Variants in ANKRD66 observed in about 807,000 individuals in gnomAD.
The protein encoded by ANKRD66 is ankyrin repeat domain-containing protein 66.
A neutral mutation model predicts 10.9 loss-of-function variants in ANKRD66; 10 were observed. The ratio of observed to expected loss-of-function variants is 0.91; its 90% CI spans 0.56 to 1.55. The LOEUF (loss-of-function observed/expected upper bound fraction) is 1.55, where lower values mean the gene tolerates loss of function less well. ANKRD66 is among the 40% of genes most tolerant of loss of function. The pLI, the probability that ANKRD66 is intolerant of heterozygous loss-of-function variation, is 0.00. For synonymous variants in ANKRD66, 85 were observed against 88.4 expected (o/e 0.96, Z 0.22); for missense variants, 252 against 242.9 (o/e 1.04, Z -0.25).
intron 1 of ANKRD66, among the ~76,000 whole-genome samples, chr6:46,748,268 A>G (rs1364896540): frequency 6.6e-6 from 1 of 152,156 alleles, no homozygotes; most frequent in Non-Finnish European, 1.5e-5. Context: ...GATTTTTTAG[A>G]ATCGGCTTTT....
chr6:46,754,160 T>C (rs1049456090), intron 4 of ANKRD66, among the ~76,000 whole-genome samples: 8 of 152,160 alleles, frequency 5.3e-5, no homozygotes, highest in Admixed American at 3.3e-4. Context: ...TATATTAACA[T>C]GTTGTTTTGA....
At position 46,752,103 on chromosome 6, in the gene ANKRD66, C is replaced by T; in HGVS notation, c.155C>T (p.Ala52Val). 4.0e-6 allele frequency: 6 copies of T among 1,481,678 alleles called. No homozygotes were observed. Among genetic ancestry groups the T allele is most frequent in the Non-Finnish European group, 5.4e-6 (6 of 1,118,430 alleles). 91.8% of individuals were successfully genotyped at this position (1,481,678 alleles called of 1,614,324 possible). Residue 52 changes from alanine (A) to valine (V), a missense_variant, in exon 3 of 5, where the codon GCA (alanine) becomes GTA (valine). Ala to Val is a moderately conservative substitution (Grantham distance 64). Transcript: ENST00000565422. ...GACCGGACCCCACTTCACTGGGCTG[C>T]AATCAAAGGTGAGTGGGCAATGCTT... Reference protein sequence around the residue: ...WNDRTPLHWAAIKGQMEVIRL... With the variant: ...WNDRTPLHWAVIKGQMEVIRL...
chr6:46,753,483 G>A (rs1007836696), intron 3 of ANKRD66, among the ~76,000 whole-genome samples: 6 of 152,146 alleles, frequency 3.9e-5, no homozygotes, highest in African/African-American at 1.4e-4. Flanking sequence ...CCTGGAAGGA[G>A]GACAGGGAAG....
chr6:46,758,955 T>G lies in ANKRD66; in HGVS notation c.*34T>G, dbSNP rs776615041. 3 of 1,507,772 alleles carry G rather than the reference T, an allele frequency of 2.0e-6. No individual in the cohort carries two copies. Among genetic ancestry groups the G allele is most frequent in the East Asian group, 2.5e-5 (1 of 40,580 alleles). 93.4% of individuals were successfully genotyped at this position (1,507,772 alleles called of 1,614,324 possible). A position where few individuals can be genotyped will look rare whatever the true frequency, so the allele number is the denominator to read the frequency against. The stretch of plus-strand genomic sequence containing the variant: ...CCTTATGTTTTCTGGCAAGGAACTT[T>G]CCCTGGTGCCAGAAATGAGGCTGTT... On this transcript the variant is annotated 3_prime_UTR_variant, in exon 5 of 5. Coordinates refer to ENST00000565422, the MANE Select transcript of ANKRD66 (RefSeq NM_001162435.3).
chr6:46,751,665 G>A (rs1238495061), intron 2 of ANKRD66, among the ~76,000 whole-genome samples: 1 of 152,172 alleles, frequency 6.6e-6, no homozygotes, highest in African/African-American at 2.4e-5. Flanking sequence ...GTAGGAAATA[G>A]CACTGGAGGA....
At chr6:46,750,044 C>G (rs1766234539) in intron 2 of ANKRD66, 65 bp downstream of exon 2, 25 of 822,198 alleles carry the variant, frequency 3.0e-5, no homozygotes, top group Middle Eastern at 3.1e-4. Flanking sequence ...GCTGCTGCTG[C>G]TGGTCACAGT....
intron 4 of ANKRD66, among the ~76,000 whole-genome samples, chr6:46,754,795 T>C (rs1766348358): frequency 6.6e-6 from 1 of 152,178 alleles, no homozygotes; most frequent in Non-Finnish European, 1.5e-5. Context: ...AAAGGTAATG[T>C]CTTACATTAA....
Position 46,758,718 on chromosome 6 carries a change from C to G in ANKRD66, c.393-5C>G. 5 of 1,543,490 alleles carry G rather than the reference C, an allele frequency of 3.2e-6. No individual in the cohort carries two copies. The highest frequency in any genetic ancestry group is 2.2e-4 in the Middle Eastern group (1 of 4,638). ...AAGTTCAGAAGGCTCTCTCTTCTTTCCTAGGGCAGAGCCCGAGTGCCAGGA... is the reference window on the plus strand; with the variant it reads ...AAGTTCAGAAGGCTCTCTCTTCTTTGCTAGGGCAGAGCCCGAGTGCCAGGA... On this transcript the variant is annotated splice_region_variant and splice_polypyrimidine_tract_variant and intron_variant, in intron 4 of 4. Coordinates refer to ENST00000565422, the MANE Select transcript of ANKRD66 (RefSeq NM_001162435.3).
chr6:46,751,833 T>A, intron 2 of ANKRD66, 104 bp from the exon 3 acceptor site: 1 of 1,205,434 alleles, frequency 8.3e-7, no homozygotes, highest in South Asian at 2.0e-5. Context: ...GAGAGGCAAA[T>A]GCATGCGGCA....
intron 4 of ANKRD66, among the ~76,000 whole-genome samples, chr6:46,754,935 A>G (rs926046343): frequency 6.6e-6 from 1 of 152,186 alleles, no homozygotes; most frequent in Non-Finnish European, 1.5e-5. Context: ...TCCTCTGTGG[A>G]CCTCAGCATC....
chr6:46,750,005 T>G (rs771332068), intron 2 of ANKRD66, 26 bp downstream of exon 2: 4 of 1,274,060 alleles, frequency 3.1e-6, no homozygotes, highest in Non-Finnish European at 4.5e-6. Flanking sequence ...AGCACAATAA[T>G]TTGCATTTCT....
At chr6:46,752,240 T>A (rs1207332474) in intron 3 of ANKRD66, 129 bp downstream of exon 3, 5 of 1,136,972 alleles carry the variant, frequency 4.4e-6, no homozygotes, top group Non-Finnish European at 4.6e-6. Context: ...CATTTCATTT[T>A]TTTTCTTTTT....
At position 46,755,538 on chromosome 6, in the gene ANKRD66, G is replaced by T. The variant is rs75165665; in HGVS notation, c.392+1588G>T. On this transcript the variant is annotated intron_variant, in intron 4 of 4. Coordinates refer to ENST00000565422, the MANE Select transcript of ANKRD66 (RefSeq NM_001162435.3). ...CTTCTTGCCGTCCTGTCCCTCCTTT[G>T]TAAAGTGTTATCCCTCCATATAGAC... is the stretch of plus-strand genomic sequence containing the variant. Among the ~76,000 whole-genome samples the T allele has an allele frequency of 2.6e-3, 401 of 152,250 alleles. 1 individual carries two copies. Among genetic ancestry groups the T allele is most frequent in the African/African-American group, 8.7e-3 (362 of 41,554 alleles).
chr6:46,750,515 T>C (rs182748560), intron 2 of ANKRD66, among the ~76,000 whole-genome samples: 31 of 151,820 alleles, frequency 2.0e-4, no homozygotes, highest in South Asian at 4.1e-4. Context: ...ATTCAGTTTG[T>C]TGTTTTGGTT....
chr6:46,756,390 G>A (rs1260396182), intron 4 of ANKRD66: 1 of 161,806 alleles, frequency 6.2e-6, no homozygotes, highest in Admixed American at 6.5e-5. Flanking sequence ...TTTTGGAAAT[G>A]TCAACTGTCT....
chr6:46,755,869 T>C (rs543989711), intron 4 of ANKRD66, among the ~76,000 whole-genome samples: 212 of 152,320 alleles, frequency 1.4e-3, no homozygotes, highest in African/African-American at 4.5e-3. Flanking sequence ...TAATAACTTG[T>C]GTAAAAAATA....
intron 4 of ANKRD66, chr6:46,758,280 A>T (rs1320233671): frequency 6.5e-6 from 1 of 153,792 alleles, no homozygotes; most frequent in East Asian, 1.9e-4. Flanking sequence ...GAATCCATAC[A>T]TACGTATAAT....
rs1456955666 is a variant in ANKRD66 at position 46,749,962 on chromosome 6, C to T, written c.-30C>T. 6.7e-7 allele frequency: 1 copy of T among 1,495,098 alleles called. No individual in the cohort carries two copies. The allele number at this position is 1,495,098 out of a possible 1,614,324, so 92.6% of individuals were successfully genotyped here. A position where few individuals can be genotyped will look rare whatever the true frequency, so the allele number is the denominator to read the frequency against. On this transcript the variant is annotated 5_prime_UTR_variant, in exon 2 of 5. Coordinates refer to ENST00000565422, the MANE Select transcript of ANKRD66 (RefSeq NM_001162435.3). Reference sequence around the variant, plus strand: ...CACAACAAAGATGGCCGGACCCCTGCCCAGAGTTTCAGATTCTGTAAGTCT... The same window carrying T: ...CACAACAAAGATGGCCGGACCCCTGTCCAGAGTTTCAGATTCTGTAAGTCT...
At chr6:46,753,498 G>A (rs866936738) in intron 3 of ANKRD66, among the ~76,000 whole-genome samples, 1 of 152,140 alleles carries the variant, frequency 6.6e-6, no homozygotes, top group South Asian at 2.1e-4. Flanking sequence ...GGGAAGGCTT[G>A]CAAGGCTCAG....
Sources: gnomAD v4.1 joint callset for allele counts (sites outside exome capture counted in the v4.1 genomes callset) on GRCh38, gnomAD v4.1.1 for gene constraint, MANE v1.5 for transcripts, NCBI Gene and HGNC (gene_info 2026-07-23, HGNC 2026-07-21) for gene names.